SHOC1: variants seen among roughly 807,000 people sequenced by gnomAD.
SHOC1 encodes protein shortage in chiasmata 1 ortholog.
SHOC1 carries 136 observed loss-of-function variants against 179.2 expected under a neutral mutation model. The observed-to-expected ratio is 0.76, with a 90% CI of 0.66 to 0.87. The LOEUF (loss-of-function observed/expected upper bound fraction) is 0.87, where lower values mean the gene tolerates loss of function less well. Ranked by LOEUF, SHOC1 falls within the 40% of genes least tolerant of loss-of-function variation. The probability of loss-of-function intolerance (pLI) is 0.00; values close to 1 mark genes in which losing one functional copy is unlikely to be tolerated. For synonymous variants in SHOC1, 489 were observed against 586.6 expected (o/e 0.83, Z 2.41); for missense variants, 1,538 against 1,700.8 (o/e 0.90, Z 1.68).
At chr9:111,756,209 T>C (rs1834853642) in intron 8 of SHOC1, 116 bp downstream of exon 8, 2 of 618,434 alleles carry the variant, frequency 3.2e-6, no homozygotes, top group Non-Finnish European at 2.6e-6. Flanking sequence ...ACATGTAACT[T>C]GCAGAACATT....
intron 25 of SHOC1, 74 bp from the exon 26 acceptor site, chr9:111,694,022 A>T: frequency 7.7e-7 from 1 of 1,291,712 alleles, no homozygotes; most frequent in Non-Finnish European, 1.1e-6. Flanking sequence ...AAGTAAGTAC[A>T]TTTCTTCCTA....
At position 111,746,171 on chromosome 9, in the gene SHOC1, G is replaced by T. The variant is rs190154699; in HGVS notation, c.1079+63C>A. 3.2e-3 allele frequency: 3,581 copies of T among 1,121,458 alleles called. 14 individuals carry two copies. The highest frequency in any genetic ancestry group is 3.4e-3 in the Non-Finnish European group (2,551 of 752,488). The allele number at this position is 1,121,458 out of a possible 1,614,324, so 69.5% of individuals were successfully genotyped here. A position where few individuals can be genotyped will look rare whatever the true frequency, so the allele number is the denominator to read the frequency against. ...CTTGGAAATTGCTTTTATATGGAGA[G>T]ATTTAAATAAAGACTGCTTGTTCTG... On this transcript the variant is annotated intron_variant, in intron 10 of 27. Transcript: ENST00000682961.
chr9:111,758,297 C>T (rs992751055), intron 6 of SHOC1, 102 bp from the exon 7 acceptor site: 13 of 687,892 alleles, frequency 1.9e-5, no homozygotes, highest in Middle Eastern at 2.8e-4. Flanking sequence ...TGAGGTAAAA[C>T]GATGATAAAA....
At chr9:111,789,981 T>G (rs1589483484) in intron 2 of SHOC1, among the ~76,000 whole-genome samples, 1 of 152,322 alleles carries the variant, frequency 6.6e-6, no homozygotes, top group East Asian at 1.9e-4. Context: ...CCTTGGTAGA[T>G]GGGGTCAGTG....
At chr9:111,781,750 A>AAATAAATAAATAAATTAATT (rs765900257) in intron 3 of SHOC1, among the ~76,000 whole-genome samples, 4 of 150,892 alleles carry the variant, frequency 2.7e-5, no homozygotes, top group Non-Finnish European at 4.4e-5. Context: ...ATAAATAAAT[A>AAATAAATAAATAAATTAATT]AATTTGTATG....
chr9:111,782,027 C>T lies in SHOC1; in HGVS notation c.170-1010G>A, dbSNP rs568292815. Among the ~76,000 whole-genome samples, 75 of 152,124 alleles carry T rather than the reference C, an allele frequency of 4.9e-4. 1 individual carries two copies. The South Asian group carries it at 0.015, about 30-fold the overall frequency. ...GAGATCCAGACCATCCTGGCTAACA[C>T]AGTGAAACCCTGTCTGTACTAAAGA... On this transcript the variant is annotated intron_variant, in intron 3 of 27. Transcript: ENST00000682961.
intron 9 of SHOC1, among the ~76,000 whole-genome samples, chr9:111,746,681 A>T (rs1834304125): frequency 6.6e-6 from 1 of 152,214 alleles, no homozygotes; most frequent in South Asian, 2.1e-4. Context: ...AAAAAAATAA[A>T]TAAATAAAAA....
intron 9 of SHOC1, 94 bp downstream of exon 9, chr9:111,747,998 T>G (rs1216346790): frequency 2.7e-6 from 2 of 731,390 alleles, no homozygotes; most frequent in East Asian, 5.1e-5. Context: ...ACATGGAAAC[T>G]GACTCACAGT....
intron 11 of SHOC1, among the ~76,000 whole-genome samples, chr9:111,741,038 C>T (rs1834015397): frequency 6.6e-6 from 1 of 152,194 alleles, no homozygotes; most frequent in Non-Finnish European, 1.5e-5. Flanking sequence ...TAAAGGTGCG[C>T]TCCGACACTC....
chr9:111,705,246 C>CT lies in SHOC1; in HGVS notation c.2855dup (p.Asn952LysfsTer3), dbSNP rs1381600113. ...TTAAAATTGTGAAATCAATAACTTA[C>CT]TTGGATTCTAGCAGCTGAAGTATGT... On this transcript the variant is annotated frameshift_variant and splice_region_variant. Transcript: ENST00000682961. LOFTEE classifies it high-confidence loss of function. 6.8e-7 allele frequency: 1 copy of CT among 1,465,708 alleles called. No homozygotes were observed. Among genetic ancestry groups the CT allele is most frequent in the African/African-American group, 1.5e-5 (1 of 68,952 alleles). The allele number at this position is 1,465,708 out of a possible 1,614,324, so 90.8% of individuals were successfully genotyped here.
At chr9:111,713,384 A>C (rs12003864) in intron 17 of SHOC1, among the ~76,000 whole-genome samples, 2 of 152,164 alleles carry the variant, frequency 1.3e-5, no homozygotes, top group African/African-American at 4.8e-5. Context: ...ATATTTTGGG[A>C]TAGGGCATTC....
chr9:111,756,420 A>G lies in SHOC1; in HGVS notation c.767T>C (p.Ile256Thr), dbSNP rs780187411. The change falls in exon 8 of 28, where the codon ATT (isoleucine) becomes ACT (threonine). Residue 256 changes from isoleucine (I) to threonine (T), a missense_variant. Transcript: ENST00000682961. ...CAGTTCTGAGAGTGATGGAATATCA[A>G]TTTCTGGTTTGAGGCTTGGAGGTAT... ...FLIPPSLKPEIDIPSLSELKE... is the reference protein window; with the variant it reads ...FLIPPSLKPETDIPSLSELKE... 10 of 1,612,236 alleles carry G rather than the reference A, an allele frequency of 6.2e-6. No homozygotes were observed. Among genetic ancestry groups the G allele is most frequent in the African/African-American group, 1.3e-5 (1 of 74,884 alleles).
At chr9:111,698,432 C>T (rs913316204) in intron 24 of SHOC1, among the ~76,000 whole-genome samples, 1 of 152,170 alleles carries the variant, frequency 6.6e-6, no homozygotes, top group Non-Finnish European at 1.5e-5. Context: ...TTTCCCAGCA[C>T]CATTTATTAA....
intron 5 of SHOC1, among the ~76,000 whole-genome samples, chr9:111,774,698 C>A (rs77118489): frequency 0.031 from 4,367 of 141,036 alleles, 168 homozygotes; most frequent in African/African-American, 0.088. Context: ...CTCTCTCTCT[C>A]TATATATATA....
intron 27 of SHOC1, among the ~76,000 whole-genome samples, chr9:111,687,760 T>C (rs1831244123): frequency 6.6e-6 from 1 of 152,102 alleles, no homozygotes; most frequent in Non-Finnish European, 1.5e-5. Context: ...TTCTTCTTTT[T>C]TTTTTTCTTT....
At position 111,712,664 on chromosome 9, in the gene SHOC1, G is replaced by A. The variant is rs1356497445; in HGVS notation, c.2488+436C>T. On this transcript the variant is annotated intron_variant, in intron 18 of 27. Coordinates refer to ENST00000682961, the MANE Select transcript of SHOC1 (RefSeq NM_001378211.1). ...GAGGAAAACAGACAAGAGAACTGAA[G>A]AATTGAGAATTGAAGAATGATACTA... Among the ~76,000 whole-genome samples the A allele has an allele frequency of 3.3e-5, 5 of 152,228 alleles. No individual in the cohort carries two copies. In the East Asian group the frequency reaches 9.6e-4, roughly 29 times the overall value.
intron 5 of SHOC1, among the ~76,000 whole-genome samples, chr9:111,775,059 G>A (rs950042849): frequency 2.6e-5 from 4 of 151,854 alleles, no homozygotes; most frequent in Non-Finnish European, 4.4e-5. Context: ...GCAGTGGCGC[G>A]ATCTCGGTTC....
At chr9:111,767,249 A>C in intron 5 of SHOC1, among the ~76,000 whole-genome samples, 1 of 91,684 alleles carries the variant, frequency 1.1e-5, no homozygotes, top group African/African-American at 4.2e-5. Flanking sequence ...GAGATCCTAT[A>C]CAAAAAATCT....
At chr9:111,793,695 C>G (rs558748138) in intron 1 of SHOC1, among the ~76,000 whole-genome samples, 2 of 122,736 alleles carry the variant, frequency 1.6e-5, no homozygotes, top group East Asian at 5.8e-4. Flanking sequence ...TTTTTTTTTA[C>G]CTTTTTCTAA....
Sources: gnomAD v4.1 joint callset for allele counts (sites outside exome capture counted in the v4.1 genomes callset) on GRCh38, gnomAD v4.1.1 for gene constraint, MANE v1.5 for transcripts, NCBI Gene and HGNC (gene_info 2026-07-23, HGNC 2026-07-21) for gene names.